Variants in SIRPG observed in about 807,000 individuals in gnomAD.
SIRPG encodes the protein signal-regulatory protein gamma.
Under a neutral mutation model 35.7 loss-of-function variants are expected in SIRPG, and 38 were observed. The observed-to-expected ratio is 1.06, with a 90% CI of 0.82 to 1.40. SIRPG has a LOEUF of 1.40. SIRPG is among the 40% of genes most tolerant of loss of function. The pLI, the probability that SIRPG is intolerant of heterozygous loss-of-function variation, is 0.00. For synonymous variants in SIRPG, 215 were observed against 190.4 expected, an observed-to-expected ratio of 1.13 and a Z score of -1.06; for missense variants, 519 against 483.0, an observed-to-expected ratio of 1.07 and a Z score of -0.70.
At chr20:1,672,750 G>A in the SIRPG span, among the ~76,000 whole-genome samples, 17 of 151,862 alleles carry the variant, frequency 1.1e-4, no homozygotes, top group Admixed American at 1.1e-3. Context: ...ATTTGTTGTT[G>A]TTGTTGTTGT....
chr20:1,673,093 T>C, the SIRPG span, among the ~76,000 whole-genome samples: 9 of 152,184 alleles, frequency 5.9e-5, no homozygotes, highest in East Asian at 1.9e-4. Context: ...CCAGGAAGCA[T>C]ATATCACACA....
At chr20:1,654,236 TA>T (rs78737562) in intron 1 of SIRPG, among the ~76,000 whole-genome samples, 3,599 of 115,366 alleles carry the variant, frequency 0.031, 96 homozygotes, top group African/African-American at 0.091. Flanking sequence ...AGACTGCATC[TA>T]AAAAAAAAAA....
At chr20:1,651,679 A>C (rs1415896992) in intron 1 of SIRPG, among the ~76,000 whole-genome samples, 2 of 151,990 alleles carry the variant, frequency 1.3e-5, no homozygotes, top group Non-Finnish European at 2.9e-5. Context: ...TTGACTGTTC[A>C]TGGCTTACGG....
chr20:1,656,586 C>T (rs987428869), intron 1 of SIRPG, among the ~76,000 whole-genome samples: 1 of 152,160 alleles, frequency 6.6e-6, no homozygotes, highest in African/African-American at 2.4e-5. Context: ...GCCCTGTGAC[C>T]GGGGGTCAGC....
intron 1 of SIRPG, among the ~76,000 whole-genome samples, chr20:1,656,686 A>G (rs1486997786): frequency 1.3e-5 from 2 of 152,066 alleles, no homozygotes; most frequent in Non-Finnish European, 2.9e-5. Context: ...AGACCTCCCA[A>G]TCCTGTCTGC....
intron 1 of SIRPG, among the ~76,000 whole-genome samples, chr20:1,653,847 GCATGGTCA>G (rs1439205079): frequency 3.3e-5 from 5 of 152,274 alleles, no homozygotes; most frequent in African/African-American, 1.2e-4. Flanking sequence ...GTGTGTTTCA[GCATGGTCA>G]CATGAGATTT....
At chr20:1,653,975 C>T (rs888236725) in intron 1 of SIRPG, among the ~76,000 whole-genome samples, 1 of 152,126 alleles carries the variant, frequency 6.6e-6, no homozygotes, top group Admixed American at 6.5e-5. Flanking sequence ...CATGGTGGCT[C>T]ATGCCTGTAA....
chr20:1,660,985 A>G (rs936206235), upstream of SIRPG, among the ~76,000 whole-genome samples: 2 of 152,208 alleles, frequency 1.3e-5, no homozygotes, highest in African/African-American at 4.8e-5. Flanking sequence ...GAGAATAATC[A>G]TACCATCTTC....
the SIRPG span, among the ~76,000 whole-genome samples, chr20:1,685,201 G>A: frequency 6.6e-6 from 1 of 152,176 alleles, no homozygotes; most frequent in African/African-American, 2.4e-5. Context: ...CTGGGGAAGG[G>A]AAAATAAATT....
intron 2 of SIRPG, among the ~76,000 whole-genome samples, chr20:1,643,921 C>T (rs764769644): frequency 2.6e-5 from 4 of 152,132 alleles, no homozygotes; most frequent in Middle Eastern, 3.2e-3. Context: ...GGCTGGAGAA[C>T]GGCAAAGATG....
intron 5 of SIRPG, 92 bp downstream of exon 5, chr20:1,630,129 AC>A: frequency 1.0e-6 from 1 of 980,424 alleles, no homozygotes; most frequent in Admixed American, 2.0e-5. Flanking sequence ...AACTCCACGG[AC>A]CCTGGTGCTG....
the SIRPG span, among the ~76,000 whole-genome samples, chr20:1,684,705 A>C: frequency 1.3e-5 from 2 of 152,172 alleles, no homozygotes; most frequent in Non-Finnish European, 2.9e-5. Flanking sequence ...TGGCTAAAAG[A>C]ATGAACTCTG....
chr20:1,654,825 A>G (rs1424302141), intron 1 of SIRPG, among the ~76,000 whole-genome samples: 1 of 152,210 alleles, frequency 6.6e-6, no homozygotes, highest in Non-Finnish European at 1.5e-5. Context: ...AAGGAAGTCA[A>G]ACAACTCAAC....
intron 2 of SIRPG, among the ~76,000 whole-genome samples, chr20:1,637,970 G>A: frequency 6.6e-6 from 1 of 152,226 alleles, no homozygotes; most frequent in Non-Finnish European, 1.5e-5. Context: ...ACTTGCATTT[G>A]TAAATATTAA....
At chr20:1,675,099 G>A in the SIRPG span, among the ~76,000 whole-genome samples, 4 of 152,136 alleles carry the variant, frequency 2.6e-5, no homozygotes, top group African/African-American at 7.2e-5. Context: ...CAGATACCCT[G>A]TAGCCATAAA....
rs6034239 is a variant in SIRPG at position 1,635,491 on chromosome 20, G to A, written c.857C>T (p.Ser286Leu). The A allele has an allele frequency of 0.44, 714,197 of 1,613,914 alleles. 165,912 individuals carry two copies. Among genetic ancestry groups the A allele is most frequent in the African/African-American group, 0.73 (54,907 of 74,958 alleles). Residue 286 changes from serine to leucine, a missense_variant, in exon 4 of 6, where the codon TCG becomes TTG. Coordinates refer to ENST00000303415, the MANE Select transcript of SIRPG (RefSeq NM_018556.4). ...FYPQSLQLTW[S>L]ENGNVCQRET... ...TCTCTGGCACACGTTTCCATTCTCCGACCAGGTCAGCTGTAGGCTCTGGGG... is the reference window on the plus strand; with the variant it reads ...TCTCTGGCACACGTTTCCATTCTCCAACCAGGTCAGCTGTAGGCTCTGGGG...
At chr20:1,673,476 C>T in the SIRPG span, among the ~76,000 whole-genome samples, 1 of 152,136 alleles carries the variant, frequency 6.6e-6, no homozygotes, top group African/African-American at 2.4e-5. Flanking sequence ...AGGTGCTTAA[C>T]AAATGACCCC....
At chr20:1,668,613 G>C in the SIRPG span, among the ~76,000 whole-genome samples, 1 of 152,092 alleles carries the variant, frequency 6.6e-6, no homozygotes, top group African/African-American at 2.4e-5. Flanking sequence ...AAAAATTAAA[G>C]AGGAATTAAA....
the SIRPG span, among the ~76,000 whole-genome samples, chr20:1,671,435 G>A: frequency 6.6e-6 from 1 of 152,192 alleles, no homozygotes; most frequent in African/African-American, 2.4e-5. Context: ...TCTGGGCACA[G>A]GAACAAAGTT....
Sources: gnomAD v4.1 joint callset for allele counts (sites outside exome capture counted in the v4.1 genomes callset) on GRCh38, gnomAD v4.1.1 for gene constraint, MANE v1.5 for transcripts, NCBI Gene and HGNC (gene_info 2026-07-23, HGNC 2026-07-21) for gene names.